Variants in GALNT13 observed in about 807,000 individuals in gnomAD.
The protein encoded by GALNT13 is UDP-GalNAc:polypeptide N-acetylgalactosaminyltransferase 13.
A neutral mutation model predicts 64.2 loss-of-function variants in GALNT13; 28 were observed. That is an observed-to-expected ratio of 0.44 (90% CI 0.32 to 0.60). GALNT13 has a LOEUF of 0.60. Ranked by LOEUF, GALNT13 falls within the 20% of genes least tolerant of loss-of-function variation. The pLI, the probability that GALNT13 is intolerant of heterozygous loss-of-function variation, is 0.05. For missense variants in GALNT13, 577 were observed against 669.8 expected (o/e 0.86, Z 1.53); for synonymous variants, 214 against 224.6 (o/e 0.95, Z 0.42).
At chr2:153,146,004 A>G in the GALNT13 span, among the ~76,000 whole-genome samples, 1 of 151,626 alleles carries the variant, frequency 6.6e-6, no homozygotes, top group Admixed American at 6.6e-5. Context: ...TGGGAAACTC[A>G]CTGGGTTTCT....
At chr2:154,342,121 T>G (rs1231201228) in intron 9 of GALNT13, among the ~76,000 whole-genome samples, 2 of 152,020 alleles carry the variant, frequency 1.3e-5, no homozygotes, top group African/African-American at 4.8e-5. Context: ...ATGTCTTCAT[T>G]TGAGTGGAGT....
At chr2:153,222,090 C>T in the GALNT13 span, among the ~76,000 whole-genome samples, 35 of 151,776 alleles carry the variant, frequency 2.3e-4, no homozygotes, top group Non-Finnish European at 4.6e-4. Flanking sequence ...AGTTCTTGTC[C>T]CACACCCAGG....
At chr2:153,710,507 G>A in the GALNT13 span, among the ~76,000 whole-genome samples, 8 of 152,050 alleles carry the variant, frequency 5.3e-5, no homozygotes, top group African/African-American at 1.2e-4. Context: ...ACCACATGTC[G>A]AGAACAACTG....
At position 153,966,372 on chromosome 2, in the gene GALNT13, CT is replaced by C. The variant is rs35037727; in HGVS notation, c.142+21744del. The stretch of plus-strand genomic sequence containing the variant: ...TTTTTTTGTTGCTGTTGTTGGGATT[CT>C]TTTTTTTTTTGAGATGGAGTCTTGC... On this transcript the variant is annotated intron_variant, in intron 3 of 12. Transcript: ENST00000392825. 4.0e-3 allele frequency among the ~76,000 whole-genome samples: 588 copies of C among 145,642 alleles called. 6 individuals carry two copies. Among genetic ancestry groups the C allele is most frequent in the African/African-American group, 0.013 (530 of 39,714 alleles).
At chr2:154,156,782 TG>T in intron 4 of GALNT13, among the ~76,000 whole-genome samples, 1 of 152,268 alleles carries the variant, frequency 6.6e-6, no homozygotes, top group Non-Finnish European at 1.5e-5. Flanking sequence ...AGGCATGGGT[TG>T]GCCCTTGAAT....
rs552877213 is a variant in GALNT13, at chr2:154,042,389, A to G, written c.142+97750A>G. On this transcript the variant is annotated intron_variant, in intron 3 of 12. Coordinates refer to ENST00000392825, the MANE Select transcript of GALNT13 (RefSeq NM_052917.4). ...CTCCCTACTTTCAAAGAAATACCTT[A>G]TAGTCAGTGGGGGAAAAAAAACTAG... Among the ~76,000 whole-genome samples, 7 of 121,390 alleles carry G rather than the reference A, an allele frequency of 5.8e-5. 1 individual carries two copies. The highest frequency in any genetic ancestry group is 5.6e-4 in the Admixed American group (7 of 12,464). The allele number at this position is 121,390 out of a possible 152,430, so 79.6% of individuals were successfully genotyped here.
chr2:153,854,556 G>A, the GALNT13 span, among the ~76,000 whole-genome samples: 15 of 152,062 alleles, frequency 9.9e-5, no homozygotes, highest in South Asian at 2.3e-3. Context: ...AGTCCAGCTT[G>A]GGGAACAAGA....
At chr2:153,281,085 T>A in the GALNT13 span, among the ~76,000 whole-genome samples, 15 of 152,306 alleles carry the variant, frequency 9.8e-5, no homozygotes, top group African/African-American at 3.6e-4. Flanking sequence ...GGTTTTCTTG[T>A]TTAATTGAAC....
chr2:153,196,706 A>T, the GALNT13 span, among the ~76,000 whole-genome samples: 9 of 151,860 alleles, frequency 5.9e-5, no homozygotes, highest in African/African-American at 2.2e-4. Flanking sequence ...CCTCTGCCCA[A>T]CCGCACTGCT....
chr2:154,362,531 A>C (rs1281187943), intron 9 of GALNT13, among the ~76,000 whole-genome samples: 1 of 151,804 alleles, frequency 6.6e-6, no homozygotes, highest in East Asian at 1.9e-4. Flanking sequence ...GGTCCCATTC[A>C]TCCCAGTCTT....
chr2:154,265,030 A>G lies in GALNT13; in HGVS notation c.975+5892A>G, dbSNP rs374923233. The stretch of plus-strand genomic sequence containing the variant: ...ACCAAAATTTGTTTCCTTGAGATCA[A>G]TAAAATAGATGATATTTTAGCCAAA... On this transcript the variant is annotated intron_variant, in intron 8 of 12. Transcript: ENST00000392825. Among the ~76,000 whole-genome samples, 8 of 151,540 alleles carry G rather than the reference A, an allele frequency of 5.3e-5. No homozygotes were observed. The South Asian group carries it at 1.7e-3, about 31-fold the overall frequency.
intron 9 of GALNT13, among the ~76,000 whole-genome samples, chr2:154,371,062 G>A (rs1445759546): frequency 6.6e-6 from 1 of 152,122 alleles, no homozygotes; most frequent in Non-Finnish European, 1.5e-5. Flanking sequence ...GCTGAGAAGG[G>A]AAGATGAAGA....
At chr2:153,238,966 A>G in the GALNT13 span, among the ~76,000 whole-genome samples, 2 of 152,038 alleles carry the variant, frequency 1.3e-5, no homozygotes, top group Non-Finnish European at 2.9e-5. Flanking sequence ...GATCCTTCCA[A>G]TCCTTGCACA....
the GALNT13 span, among the ~76,000 whole-genome samples, chr2:153,646,866 T>A: frequency 6.6e-6 from 1 of 152,170 alleles, no homozygotes; most frequent in Non-Finnish European, 1.5e-5. Flanking sequence ...TCTATCATTG[T>A]TGGACATTTG....
the GALNT13 span, among the ~76,000 whole-genome samples, chr2:153,750,372 A>G: frequency 6.6e-6 from 1 of 151,806 alleles, no homozygotes; most frequent in South Asian, 2.1e-4. Flanking sequence ...GTCCTCCTCT[A>G]TATTTTGGAA....
chr2:154,324,157 A>G (rs1018110439), intron 9 of GALNT13, among the ~76,000 whole-genome samples: 18 of 152,016 alleles, frequency 1.2e-4, no homozygotes, highest in African/African-American at 4.1e-4. Flanking sequence ...TCCAATGAGA[A>G]TTCCTCGATT....
At chr2:153,733,299 T>G in the GALNT13 span, among the ~76,000 whole-genome samples, 1 of 152,176 alleles carries the variant, frequency 6.6e-6, no homozygotes, top group Non-Finnish European at 1.5e-5. Context: ...CGACGTAGAT[T>G]AGAAAATGGA....
chr2:154,436,630 T>A (rs1383871922), intron 11 of GALNT13: 2 of 152,186 alleles, frequency 1.3e-5, no homozygotes, highest in African/African-American at 4.8e-5. Flanking sequence ...TTAAATAAGT[T>A]TGTAATTGTG....
intron 3 of GALNT13, among the ~76,000 whole-genome samples, chr2:154,037,145 G>T (rs936742931): frequency 1.6e-4 from 25 of 151,994 alleles, no homozygotes; most frequent in Admixed American, 2.0e-4. Context: ...TCATTATAAT[G>T]GTTTTGAATT....
Sources: gnomAD v4.1 joint callset for allele counts (sites outside exome capture counted in the v4.1 genomes callset) on GRCh38, gnomAD v4.1.1 for gene constraint, MANE v1.5 for transcripts, NCBI Gene and HGNC (gene_info 2026-07-23, HGNC 2026-07-21) for gene names.